MACROD2: variants seen among roughly 807,000 people sequenced by gnomAD.
MACROD2 encodes the protein ADP-ribose glycohydrolase MACROD2.
MACROD2 carries 36 observed loss-of-function variants against 70.4 expected under a neutral mutation model. That is an observed-to-expected ratio of 0.51 (90% CI 0.39 to 0.68). The LOEUF is 0.68. MACROD2 is among the 30% of genes least tolerant of loss of function. The pLI is 0.00. For missense variants in MACROD2, 496 were observed against 538.4 expected, an observed-to-expected ratio of 0.92 and a Z score of 0.78; for synonymous variants, 172 against 178.8, an observed-to-expected ratio of 0.96 and a Z score of 0.30.
intron 6 of MACROD2, among the ~76,000 whole-genome samples, chr20:15,389,048 A>T (rs1217343015): frequency 6.6e-6 from 1 of 152,136 alleles, no homozygotes; most frequent in Admixed American, 6.5e-5. Context: ...CGAAAGTATC[A>T]CTGGTGGTTT....
intron 6 of MACROD2, among the ~76,000 whole-genome samples, chr20:15,355,433 T>C (rs2078275563): frequency 6.6e-6 from 1 of 152,224 alleles, no homozygotes; most frequent in African/African-American, 2.4e-5. Context: ...AGAGCTTCCA[T>C]GCCCTCTCCT....
intron 3 of MACROD2, among the ~76,000 whole-genome samples, chr20:14,190,313 CAT>C (rs2081374521): frequency 6.6e-6 from 1 of 152,142 alleles, no homozygotes; most frequent in Non-Finnish European, 1.5e-5. Flanking sequence ...GATTTTATCA[CAT>C]CTCTATGCCT....
At chr20:15,100,114 TTAAA>T (rs916073864) in intron 5 of MACROD2, among the ~76,000 whole-genome samples, 3 of 152,112 alleles carry the variant, frequency 2.0e-5, no homozygotes, top group Non-Finnish European at 2.9e-5. Flanking sequence ...CTTTCTTTTT[TTAAA>T]TAGAGACAGG....
chr20:15,486,447 T>C (rs1254100969), intron 7 of MACROD2, among the ~76,000 whole-genome samples: 2 of 152,160 alleles, frequency 1.3e-5, no homozygotes, highest in Admixed American at 6.5e-5. Flanking sequence ...AGCAAAATGC[T>C]TGTGACTTGT....
At chr20:14,077,735 G>A (rs2053931468) in intron 2 of MACROD2, among the ~76,000 whole-genome samples, 1 of 152,076 alleles carries the variant, frequency 6.6e-6, no homozygotes. Flanking sequence ...TTTCAAGCTG[G>A]CTATGATTAA....
intron 5 of MACROD2, among the ~76,000 whole-genome samples, chr20:14,899,294 C>G (rs2073867840): frequency 6.6e-6 from 1 of 152,116 alleles, no homozygotes; most frequent in Non-Finnish European, 1.5e-5. Context: ...ATTAGTTTGC[C>G]CGGGTTGCCA....
intron 10 of MACROD2, among the ~76,000 whole-genome samples, chr20:15,903,627 G>T (rs2065098928): frequency 6.6e-6 from 1 of 152,198 alleles, no homozygotes; most frequent in Non-Finnish European, 1.5e-5. Context: ...TCCAGGTGAT[G>T]CCCTACGATG....
At chr20:14,228,270 C>T (rs904366442) in intron 3 of MACROD2, among the ~76,000 whole-genome samples, 1 of 150,826 alleles carries the variant, frequency 6.6e-6, no homozygotes, top group Non-Finnish European at 1.5e-5. Flanking sequence ...AGTCTGTGTT[C>T]TATATATCTT....
At chr20:15,874,669 T>C (rs538413776) in intron 9 of MACROD2, among the ~76,000 whole-genome samples, 2 of 152,304 alleles carry the variant, frequency 1.3e-5, no homozygotes, top group African/African-American at 4.8e-5. Context: ...TGACCAGCAA[T>C]GATGAGCATT....
At chr20:15,874,978 G>T (rs2064647389) in intron 9 of MACROD2, among the ~76,000 whole-genome samples, 1 of 152,164 alleles carries the variant, frequency 6.6e-6, no homozygotes, top group Non-Finnish European at 1.5e-5. Flanking sequence ...AAGGAGCTGT[G>T]ACTGTGGAAG....
intron 3 of MACROD2, among the ~76,000 whole-genome samples, chr20:14,457,793 A>G (rs75232833): frequency 4.1e-4 from 62 of 152,266 alleles, no homozygotes; most frequent in Non-Finnish European, 6.9e-4. Context: ...TGGAAGTAGT[A>G]CTTATATTTA....
intron 6 of MACROD2, among the ~76,000 whole-genome samples, chr20:15,428,345 A>T (rs925153089): frequency 1.6e-4 from 25 of 152,204 alleles, no homozygotes; most frequent in African/African-American, 5.5e-4. Context: ...GAAAGAGTTC[A>T]GAACATACAA....
chr20:14,170,258 GTTTTCTTGGTA>G (rs1287120444), intron 3 of MACROD2, among the ~76,000 whole-genome samples: 2 of 152,118 alleles, frequency 1.3e-5, no homozygotes, highest in Non-Finnish European at 1.5e-5. Flanking sequence ...AGTCTTTAGG[GTTTTCTTGGTA>G]TACAATCATA....
At chr20:16,038,401 T>C (rs2067262611) in intron 15 of MACROD2, among the ~76,000 whole-genome samples, 1 of 151,934 alleles carries the variant, frequency 6.6e-6, no homozygotes, top group African/African-American at 2.4e-5. Context: ...TTCACTCTTA[T>C]CTGGGGTTTT....
intron 6 of MACROD2, among the ~76,000 whole-genome samples, chr20:15,309,735 G>A (rs1364981420): frequency 2.0e-5 from 3 of 152,084 alleles, no homozygotes; most frequent in African/African-American, 7.2e-5. Flanking sequence ...TCTATATAGA[G>A]TATTACGGGA....
intron 4 of MACROD2, among the ~76,000 whole-genome samples, chr20:14,626,642 T>G (rs749456530): frequency 6.6e-6 from 1 of 152,178 alleles, no homozygotes; most frequent in Non-Finnish European, 1.5e-5. Flanking sequence ...CCCTGCTTAC[T>G]TCAGGTTCCT....
intron 5 of MACROD2, among the ~76,000 whole-genome samples, chr20:15,101,749 G>C (rs773527668): frequency 7.9e-5 from 12 of 151,694 alleles, no homozygotes; most frequent in Non-Finnish European, 1.5e-4. Context: ...TCTCACTTTG[G>C]AGTAATTTAT....
intron 3 of MACROD2, among the ~76,000 whole-genome samples, chr20:14,091,482 G>A (rs1241372684): frequency 2.0e-5 from 3 of 152,136 alleles, no homozygotes; most frequent in East Asian, 1.9e-4. Flanking sequence ...GAAGTAAATC[G>A]CAAATGTCTC....
intron 3 of MACROD2, among the ~76,000 whole-genome samples, chr20:14,342,737 A>G (rs2083026906): frequency 6.6e-6 from 1 of 152,320 alleles, no homozygotes; most frequent in Middle Eastern, 3.4e-3. Context: ...TTATTAGTCA[A>G]CACTTAAAAT....
Sources: gnomAD v4.1 joint callset for allele counts (sites outside exome capture counted in the v4.1 genomes callset) on GRCh38, gnomAD v4.1.1 for gene constraint, MANE v1.5 for transcripts, NCBI Gene and HGNC (gene_info 2026-07-23, HGNC 2026-07-21) for gene names.